SLC24A2: variants seen among roughly 807,000 people sequenced by gnomAD.
The protein encoded by SLC24A2 is solute carrier family 24 member 2, also known as sodium/potassium/calcium exchanger 2.
Under a neutral mutation model 62.0 loss-of-function variants are expected in SLC24A2, and 36 were observed. The observed-to-expected ratio is 0.58, with a 90% CI of 0.44 to 0.77. The LOEUF is 0.77. Among genes scored for constraint, SLC24A2 ranks in the 30% least tolerant of loss-of-function variants. SLC24A2 has a pLI of 0.00. For missense variants in SLC24A2, 846 were observed against 817.9 expected, an observed-to-expected ratio of 1.03 and a Z score of -0.42; for synonymous variants, 358 against 294.0, an observed-to-expected ratio of 1.22 and a Z score of -2.23.
At chr9:20,084,694 C>T in the SLC24A2 span, among the ~76,000 whole-genome samples, 1 of 152,082 alleles carries the variant, frequency 6.6e-6, no homozygotes, top group African/African-American at 2.4e-5. Flanking sequence ...CCAACTCTGA[C>T]CCCAGGCTCA....
chr9:20,120,294 T>C, the SLC24A2 span, among the ~76,000 whole-genome samples: 1 of 152,038 alleles, frequency 6.6e-6, no homozygotes, highest in Non-Finnish European at 1.5e-5. Context: ...AGCAAAGACA[T>C]GGAATCAACC....
the SLC24A2 span, among the ~76,000 whole-genome samples, chr9:20,197,672 T>C: frequency 6.6e-6 from 1 of 152,258 alleles, no homozygotes; most frequent in Middle Eastern, 3.4e-3. Flanking sequence ...CCTCAAGTGA[T>C]CTGCCCACCT....
intron 2 of SLC24A2, among the ~76,000 whole-genome samples, chr9:19,654,932 C>T (rs897542464): frequency 6.6e-6 from 1 of 152,156 alleles, no homozygotes; most frequent in Non-Finnish European, 1.5e-5. Flanking sequence ...AGTGATCATG[C>T]CCTCATTTTC....
chr9:19,595,186 T>A (rs1475988312), intron 5 of SLC24A2, among the ~76,000 whole-genome samples: 1 of 152,212 alleles, frequency 6.6e-6, no homozygotes, highest in East Asian at 1.9e-4. Context: ...AGCAGCATAA[T>A]GAAAACTCTG....
At chr9:20,002,092 T>A in the SLC24A2 span, among the ~76,000 whole-genome samples, 5 of 152,166 alleles carry the variant, frequency 3.3e-5, no homozygotes, top group Admixed American at 6.5e-5. Flanking sequence ...CTTAGGTAAA[T>A]GCTGATGAAT....
At chr9:20,093,352 G>T in the SLC24A2 span, among the ~76,000 whole-genome samples, 1 of 152,062 alleles carries the variant, frequency 6.6e-6, no homozygotes, top group Admixed American at 6.5e-5. Context: ...GATTATAGGC[G>T]TGAACCACCA....
At chr9:20,197,909 T>A in the SLC24A2 span, among the ~76,000 whole-genome samples, 1 of 152,196 alleles carries the variant, frequency 6.6e-6, no homozygotes, top group Admixed American at 6.5e-5. Flanking sequence ...AAAAGGTACC[T>A]GAAACACTAA....
At chr9:19,910,593 T>C in the SLC24A2 span, among the ~76,000 whole-genome samples, 1 of 152,110 alleles carries the variant, frequency 6.6e-6, no homozygotes, top group Non-Finnish European at 1.5e-5. Flanking sequence ...TCTCTCTACT[T>C]GCAGGTCTCC....
At chr9:20,269,580 C>T in the SLC24A2 span, among the ~76,000 whole-genome samples, 2 of 152,144 alleles carry the variant, frequency 1.3e-5, no homozygotes, top group Admixed American at 6.6e-5. Context: ...TTTTCATGTA[C>T]CCCTGATAGC....
At chr9:20,143,293 C>G in the SLC24A2 span, among the ~76,000 whole-genome samples, 1 of 152,090 alleles carries the variant, frequency 6.6e-6, no homozygotes. Context: ...GCTGCCAACT[C>G]CCAATCTTGG....
chr9:19,571,980 G>C (rs949997233), intron 7 of SLC24A2, among the ~76,000 whole-genome samples: 10 of 152,118 alleles, frequency 6.6e-5, no homozygotes, highest in Admixed American at 6.5e-4. Context: ...CTATAAAATG[G>C]AGCTACTATC....
At chr9:19,608,280 G>A (rs1171596446) in intron 4 of SLC24A2, among the ~76,000 whole-genome samples, 3 of 151,652 alleles carry the variant, frequency 2.0e-5, no homozygotes, top group African/African-American at 4.8e-5. Flanking sequence ...ACTTTCTCTT[G>A]GGACCAAACA....
intron 2 of SLC24A2, among the ~76,000 whole-genome samples, chr9:19,664,773 C>G (rs1185476276): frequency 6.6e-6 from 1 of 152,070 alleles, no homozygotes; most frequent in Non-Finnish European, 1.5e-5. Flanking sequence ...GAGGCAGAGA[C>G]TGGGGGTGAT....
chr9:19,984,358 C>T, the SLC24A2 span, among the ~76,000 whole-genome samples: 13 of 152,030 alleles, frequency 8.6e-5, no homozygotes, highest in South Asian at 2.1e-4. Context: ...TAAAACAGCA[C>T]GGTACTGGCA....
the SLC24A2 span, among the ~76,000 whole-genome samples, chr9:19,815,910 A>G: frequency 6.6e-6 from 1 of 151,636 alleles, no homozygotes; most frequent in Non-Finnish European, 1.5e-5. Flanking sequence ...TAATAATTCC[A>G]ATAAATTCCA....
At chr9:19,961,019 G>GGGGTGT in the SLC24A2 span, among the ~76,000 whole-genome samples, 9 of 80,412 alleles carry the variant, frequency 1.1e-4, no homozygotes, top group South Asian at 5.4e-3. Context: ...GGATTAGAGG[G>GGGGTGT]GTGGGTGTGT....
intron 8 of SLC24A2, 73 bp downstream of exon 8, chr9:19,550,064 C>G: frequency 6.7e-7 from 1 of 1,498,488 alleles, no homozygotes; most frequent in African/African-American, 1.4e-5. Context: ...TTAACACAAA[C>G]TGAAGCAGAC....
At chr9:20,280,474 G>T in the SLC24A2 span, among the ~76,000 whole-genome samples, 2 of 152,216 alleles carry the variant, frequency 1.3e-5, no homozygotes, top group African/African-American at 4.8e-5. Context: ...GCCTGGTAAG[G>T]GAGGTCTGGG....
At chr9:19,550,094 CAT>C (rs553042095) in intron 8 of SLC24A2, 41 bp downstream of exon 8, 67 of 1,598,030 alleles carry the variant, frequency 4.2e-5, no homozygotes, top group Non-Finnish European at 5.4e-5. Context: ...TGTTATGTAC[CAT>C]ATGTTTTACA....
Sources: allele counts gnomAD v4.1 joint callset (sites outside exome capture counted in the v4.1 genomes callset), GRCh38; gene constraint gnomAD v4.1.1; transcripts MANE v1.5; gene names NCBI Gene and HGNC (gene_info 2026-07-23, HGNC 2026-07-21).